The following GRIK2 variants were observed in gnomAD, a reference collection of about 807,000 sequenced individuals.
GRIK2 encodes the protein glutamate ionotropic receptor kainate type subunit 2.
A neutral mutation model predicts 100.3 loss-of-function variants in GRIK2; 32 were observed. That is an observed-to-expected ratio of 0.32 (90% CI 0.24 to 0.43). The LOEUF is 0.43. Among genes scored for constraint, GRIK2 ranks in the 20% least tolerant of loss-of-function variants. The pLI, the probability that GRIK2 is intolerant of heterozygous loss-of-function variation, is 1.00. For missense variants in GRIK2, 843 were observed against 1,114.9 expected, an observed-to-expected ratio of 0.76 and a Z score of 3.47; for synonymous variants, 417 against 389.4, an observed-to-expected ratio of 1.07 and a Z score of -0.83.
chr6:101,397,386 T>C (rs915363269), intron 1 of GRIK2, among the ~76,000 whole-genome samples: 2 of 152,200 alleles, frequency 1.3e-5, no homozygotes, highest in Non-Finnish European at 2.9e-5. Context: ...ATTTTAAACA[T>C]GGACTGAAGG....
chr6:101,495,196 C>T (rs974069160), intron 2 of GRIK2, among the ~76,000 whole-genome samples: 1 of 151,658 alleles, frequency 6.6e-6, no homozygotes, highest in Admixed American at 6.6e-5. Context: ...TATTAATTCT[C>T]TCATTTAGCC....
intron 14 of GRIK2, among the ~76,000 whole-genome samples, chr6:101,949,531 C>G (rs1791483436): frequency 1.3e-5 from 2 of 152,212 alleles, no homozygotes; most frequent in South Asian, 4.1e-4. Flanking sequence ...CCAACCGGCC[C>G]CAGTGTGTGA....
chr6:101,575,708 C>A (rs1031295353), intron 2 of GRIK2, among the ~76,000 whole-genome samples: 2 of 151,946 alleles, frequency 1.3e-5, no homozygotes. Context: ...AACCATTAAG[C>A]CTTAGCTTTA....
intron 12 of GRIK2, among the ~76,000 whole-genome samples, chr6:101,897,114 G>C (rs1787520302): frequency 6.6e-6 from 1 of 151,702 alleles, no homozygotes. Flanking sequence ...ATGGAGTGTA[G>C]TGGGTTCTTT....
chr6:101,866,405 G>A (rs1482626344), intron 11 of GRIK2, among the ~76,000 whole-genome samples: 2 of 152,084 alleles, frequency 1.3e-5, no homozygotes, highest in East Asian at 1.9e-4. Context: ...TTGCATGCCT[G>A]TAGTAAAACA....
intron 2 of GRIK2, among the ~76,000 whole-genome samples, chr6:101,402,215 C>T (rs1775349898): frequency 6.6e-6 from 1 of 152,158 alleles, no homozygotes; most frequent in South Asian, 2.1e-4. Context: ...CCCTCTCCCT[C>T]TCTGTATGGC....
At chr6:101,669,435 C>A (rs1770266658) in intron 4 of GRIK2, among the ~76,000 whole-genome samples, 1 of 152,008 alleles carries the variant, frequency 6.6e-6, no homozygotes, top group South Asian at 2.1e-4. Flanking sequence ...ACATATAAAC[C>A]ATCTCAATTA....
At chr6:101,626,335 G>T (rs1170174316) in intron 3 of GRIK2, 45 bp from the exon 4 acceptor site, 4 of 1,546,290 alleles carry the variant, frequency 2.6e-6, no homozygotes, top group South Asian at 2.4e-5. Context: ...TTGGCACACT[G>T]GCACCTCTCC....
intron 7 of GRIK2, among the ~76,000 whole-genome samples, chr6:101,739,898 G>A (rs1040150703): frequency 8.6e-5 from 13 of 152,014 alleles, no homozygotes; most frequent in Non-Finnish European, 1.9e-4. Flanking sequence ...TAAATCTGTG[G>A]TTTTGGAGCA....
intron 13 of GRIK2, among the ~76,000 whole-genome samples, chr6:101,927,058 G>C (rs1789948970): frequency 6.6e-6 from 1 of 152,126 alleles, no homozygotes; most frequent in African/African-American, 2.4e-5. Context: ...AACTACATCA[G>C]AAAGGTACTT....
chr6:101,844,181 A>C (rs1783677987), intron 10 of GRIK2, among the ~76,000 whole-genome samples: 1 of 152,186 alleles, frequency 6.6e-6, no homozygotes. Flanking sequence ...AAATGTAATA[A>C]AATATTTGAG....
chr6:101,706,363 T>C (rs990159958), intron 7 of GRIK2, among the ~76,000 whole-genome samples: 6 of 152,016 alleles, frequency 3.9e-5, no homozygotes, highest in Non-Finnish European at 8.8e-5. Flanking sequence ...ATATTTGTTA[T>C]TCAAATTCAA....
At chr6:101,674,763 T>C (rs17062302) in intron 4 of GRIK2, among the ~76,000 whole-genome samples, 14,684 of 152,216 alleles carry the variant, frequency 0.096, 2,326 homozygotes, top group African/African-American at 0.33. Context: ...ACCATGCAAT[T>C]TTTGCAGCTG....
chr6:101,500,288 C>T (rs1021663524), intron 2 of GRIK2, among the ~76,000 whole-genome samples: 2 of 151,958 alleles, frequency 1.3e-5, no homozygotes, highest in African/African-American at 4.8e-5. Flanking sequence ...AGATTCTCAG[C>T]TAAGTATAGG....
intron 14 of GRIK2, chr6:101,993,885 TG>T (rs1460153629): frequency 6.8e-6 from 1 of 147,116 alleles, no homozygotes; most frequent in Non-Finnish European, 1.5e-5. Context: ...ATAGGTACAT[TG>T]ATATATATTA....
chr6:101,849,070 G>C (rs921302703), intron 10 of GRIK2, among the ~76,000 whole-genome samples: 7 of 149,626 alleles, frequency 4.7e-5, no homozygotes, highest in African/African-American at 1.7e-4. Flanking sequence ...TATTAAACAG[G>C]GTTGAAAAGA....
chr6:101,809,293 G>A (rs1781186738), intron 9 of GRIK2, among the ~76,000 whole-genome samples: 1 of 151,950 alleles, frequency 6.6e-6, no homozygotes, highest in Non-Finnish European at 1.5e-5. Context: ...TCTAGAATTA[G>A]AACATGTTTC....
At chr6:101,827,573 T>A (rs1463799622) in intron 10 of GRIK2, among the ~76,000 whole-genome samples, 1 of 151,552 alleles carries the variant, frequency 6.6e-6, no homozygotes, top group Non-Finnish European at 1.5e-5. Context: ...AATAAAAGGA[T>A]GGAGAAAGAT....
chr6:101,682,522 T>C (rs1414065825), intron 5 of GRIK2, 31 bp from the exon 6 acceptor site: 2 of 945,154 alleles, frequency 2.1e-6, no homozygotes, highest in Admixed American at 1.9e-5. Context: ...TCCTGAAATA[T>C]GTACCTTCAG....
Sources: allele counts gnomAD v4.1 joint callset (sites outside exome capture counted in the v4.1 genomes callset), GRCh38; gene constraint gnomAD v4.1.1; transcripts MANE v1.5; gene names NCBI Gene and HGNC (gene_info 2026-07-23, HGNC 2026-07-21).